Variants in LARP4B observed in about 807,000 individuals in gnomAD.
LARP4B encodes La ribonucleoprotein 4B.
Under a neutral mutation model 89.8 loss-of-function variants are expected in LARP4B, and 12 were observed. That is an observed-to-expected ratio of 0.13 (90% CI 0.09 to 0.22). The LOEUF (loss-of-function observed/expected upper bound fraction) is 0.22, where lower values mean the gene tolerates loss of function less well. Among genes scored for constraint, LARP4B ranks in the 10% least tolerant of loss-of-function variants. The pLI is 1.00. For synonymous variants in LARP4B, 367 were observed against 363.3 expected (o/e 1.01, Z -0.12); for missense variants, 757 against 947.7 (o/e 0.80, Z 2.64).
At chr10:829,293 A>G in intron 11 of LARP4B, 92 bp downstream of exon 11, 5 of 1,072,178 alleles carry the variant, frequency 4.7e-6, no homozygotes, top group Middle Eastern at 2.5e-4. Flanking sequence ...GACTGCACAC[A>G]TATCTGGCTT....
At chr10:869,928 TAATAATAATAA>T (rs1209921028) in intron 3 of LARP4B, 42 of 178,330 alleles carry the variant, frequency 2.4e-4, no homozygotes, top group Non-Finnish European at 3.8e-4. Context: ...ATAATAATAA[TAATAATAATAA>T]TAATAATAAT....
chr10:911,355 G>GA (rs887804897), intron 1 of LARP4B, among the ~76,000 whole-genome samples: 63 of 149,692 alleles, frequency 4.2e-4, no homozygotes, highest in African/African-American at 1.5e-3. Flanking sequence ...TTTTTGGAAG[G>GA]AAAAAAAAAG....
intron 3 of LARP4B, 91 bp downstream of exon 3, chr10:884,355 AT>A: frequency 1.1e-6 from 1 of 935,014 alleles, no homozygotes. Context: ...ACATTTTCTA[AT>A]TTTTGTTACA....
the LARP4B span, among the ~76,000 whole-genome samples, chr10:982,276 G>A: frequency 8.6e-5 from 13 of 151,924 alleles, no homozygotes; most frequent in Non-Finnish European, 1.9e-4. Context: ...ATTTTTAGTA[G>A]AGATGGAGTT....
At chr10:930,372 A>G (rs541068093) in intron 1 of LARP4B, among the ~76,000 whole-genome samples, 1 of 152,340 alleles carries the variant, frequency 6.6e-6, no homozygotes, top group South Asian at 2.1e-4. Context: ...TTTCTCAGTT[A>G]TCCAAAACTT....
intron 1 of LARP4B, chr10:903,095 C>G (rs978933189): frequency 6.6e-6 from 1 of 152,192 alleles, no homozygotes; most frequent in African/African-American, 2.4e-5. Context: ...GAATGTCAAC[C>G]TGGACAAACA....
chr10:867,236 A>C (rs552451724), intron 3 of LARP4B, among the ~76,000 whole-genome samples: 1 of 152,228 alleles, frequency 6.6e-6, no homozygotes, highest in African/African-American at 2.4e-5. Context: ...GCTTAATGAC[A>C]TTCAAGGATC....
intron 1 of LARP4B, among the ~76,000 whole-genome samples, chr10:930,676 G>A (rs1448649739): frequency 5.9e-5 from 9 of 152,150 alleles, no homozygotes; most frequent in African/African-American, 1.2e-4. Flanking sequence ...CCAGCCCCAA[G>A]ACCAACACAG....
At chr10:820,600 C>G in intron 14 of LARP4B, 200 bp downstream of exon 14, 1 of 575,618 alleles carries the variant, frequency 1.7e-6, no homozygotes, top group Admixed American at 3.2e-5. Flanking sequence ...CTGTGCAGCA[C>G]ATCGCTATTT....
chr10:898,268 A>G (rs945848751), intron 1 of LARP4B, among the ~76,000 whole-genome samples: 2 of 152,216 alleles, frequency 1.3e-5, no homozygotes, highest in African/African-American at 4.8e-5. Flanking sequence ...AGAAACTACA[A>G]TCTTCACACA....
At position 836,510 on chromosome 10, in the gene LARP4B, C is replaced by A. The variant is rs763234806; in HGVS notation, c.647-4G>T. Reference sequence around the variant, plus strand: ...TCCACTTGGACTAAAGGTAAAGCTACAAAGAGAAGAAAAATCAATGGTGAA... The same window carrying A: ...TCCACTTGGACTAAAGGTAAAGCTAAAAAGAGAAGAAAAATCAATGGTGAA... On this transcript the variant is annotated splice_region_variant and splice_polypyrimidine_tract_variant and intron_variant, in intron 7 of 17. Coordinates refer to ENST00000316157, the MANE Select transcript of LARP4B (RefSeq NM_015155.3). 69 of 1,581,482 alleles carry A rather than the reference C, an allele frequency of 4.4e-5. No individual in the cohort carries two copies. The Admixed American group carries it at 1.2e-3, about 27-fold the overall frequency.
intron 1 of LARP4B, among the ~76,000 whole-genome samples, chr10:887,580 G>A (rs1328391275): frequency 6.0e-5 from 9 of 150,918 alleles, no homozygotes; most frequent in Non-Finnish European, 7.4e-5. Flanking sequence ...GAACGGTGGC[G>A]GGCACCTGTA....
At chr10:845,605 C>T (rs1448882227) in intron 5 of LARP4B, among the ~76,000 whole-genome samples, 1 of 152,066 alleles carries the variant, frequency 6.6e-6, no homozygotes, top group Non-Finnish European at 1.5e-5. Context: ...ATAAATAAAC[C>T]AGATCTTCAA....
At chr10:856,333 G>A (rs1268462223) in intron 5 of LARP4B, among the ~76,000 whole-genome samples, 1 of 152,140 alleles carries the variant, frequency 6.6e-6, no homozygotes, top group South Asian at 2.1e-4. Flanking sequence ...TAAGATATAT[G>A]CATTACAAAA....
At chr10:833,347 C>A (rs948637723) in intron 8 of LARP4B, among the ~76,000 whole-genome samples, 1 of 144,996 alleles carries the variant, frequency 6.9e-6, no homozygotes, top group Non-Finnish European at 1.5e-5. Flanking sequence ...CCGTCCTGGG[C>A]GGCATGCCGC....
chr10:831,594 G>A (rs1445237912), intron 8 of LARP4B, among the ~76,000 whole-genome samples: 1 of 152,164 alleles, frequency 6.6e-6, no homozygotes, highest in African/African-American at 2.4e-5. Flanking sequence ...GCCCAGGGAA[G>A]GCTCACCAAG....
intron 1 of LARP4B, among the ~76,000 whole-genome samples, chr10:923,765 C>T (rs1837053647): frequency 6.6e-6 from 1 of 152,188 alleles, no homozygotes; most frequent in Non-Finnish European, 1.5e-5. Flanking sequence ...AAATTGATCA[C>T]TAGGTTTTCA....
chr10:870,605 G>C (rs1024653686), intron 3 of LARP4B, among the ~76,000 whole-genome samples: 7 of 152,188 alleles, frequency 4.6e-5, no homozygotes, highest in Non-Finnish European at 8.8e-5. Context: ...AGTGGACTTG[G>C]CGTTTCCTTC....
At chr10:964,116 G>C in the LARP4B span, among the ~76,000 whole-genome samples, 1 of 152,210 alleles carries the variant, frequency 6.6e-6, no homozygotes, top group African/African-American at 2.4e-5. Context: ...GCCCAGGCTA[G>C]AGTGCAGTGG....
Sources: gnomAD v4.1 joint callset for allele counts (sites outside exome capture counted in the v4.1 genomes callset) on GRCh38, gnomAD v4.1.1 for gene constraint, MANE v1.5 for transcripts, NCBI Gene and HGNC (gene_info 2026-07-23, HGNC 2026-07-21) for gene names.